ZMYM4: variants seen among roughly 807,000 people sequenced by gnomAD.
The protein encoded by ZMYM4 is zinc finger MYM-type protein 4.
In ZMYM4, 31 loss-of-function variants were observed where a neutral mutation model predicts 183.2. That is an observed-to-expected ratio of 0.17 (90% CI 0.13 to 0.23). The LOEUF is 0.23. ZMYM4 is among the 10% of genes least tolerant of loss of function. The probability of loss-of-function intolerance (pLI) is 1.00; values close to 1 mark genes in which losing one functional copy is unlikely to be tolerated. For missense variants in ZMYM4, 1,273 were observed against 1,840.3 expected (o/e 0.69, Z 5.64); for synonymous variants, 592 against 631.2 (o/e 0.94, Z 0.93).
At chr1:35,294,134 C>CA (rs566640178) in intron 1 of ZMYM4, among the ~76,000 whole-genome samples, 22,499 of 126,776 alleles carry the variant, frequency 0.18, 3,921 homozygotes, top group African/African-American at 0.44. Context: ...GACACTGTCT[C>CA]AAAAAAAAAA....
At chr1:35,368,029 T>A (rs1366164640) in intron 5 of ZMYM4, among the ~76,000 whole-genome samples, 1 of 151,802 alleles carries the variant, frequency 6.6e-6, no homozygotes, top group Non-Finnish European at 1.5e-5. Context: ...AGGCAGGGGT[T>A]GGCAAATTAT....
chr1:35,371,769 T>G (rs1208663548), intron 7 of ZMYM4, among the ~76,000 whole-genome samples: 1 of 152,178 alleles, frequency 6.6e-6, no homozygotes, highest in Non-Finnish European at 1.5e-5. Flanking sequence ...TTAAAAGAAA[T>G]TTAAATATGG....
intron 1 of ZMYM4, among the ~76,000 whole-genome samples, chr1:35,303,660 A>G (rs1406422527): frequency 1.3e-5 from 2 of 152,138 alleles, no homozygotes; most frequent in East Asian, 3.9e-4. Flanking sequence ...TGCATGAGCC[A>G]CAGCGCCCAG....
intron 28 of ZMYM4, among the ~76,000 whole-genome samples, chr1:35,417,197 A>C (rs1160622960): frequency 6.6e-6 from 1 of 151,084 alleles, no homozygotes; most frequent in Non-Finnish European, 1.5e-5. Flanking sequence ...TGATGGAGTC[A>C]CTGCACTCTA....
At chr1:35,366,295 A>G (rs1644077700) in intron 5 of ZMYM4, among the ~76,000 whole-genome samples, 1 of 152,176 alleles carries the variant, frequency 6.6e-6, no homozygotes, top group Non-Finnish European at 1.5e-5. Context: ...ATAGTAAGGA[A>G]CTACTACTTC....
chr1:35,351,348 T>G, intron 2 of ZMYM4: 1 of 1,569,026 alleles, frequency 6.4e-7, no homozygotes, highest in Non-Finnish European at 8.7e-7. Context: ...CATGCACTAC[T>G]TAATGAAAGA....
intron 1 of ZMYM4, among the ~76,000 whole-genome samples, chr1:35,310,780 G>A (rs1215785352): frequency 6.6e-6 from 1 of 152,060 alleles, no homozygotes; most frequent in African/African-American, 2.4e-5. Flanking sequence ...GTTTTACCAT[G>A]TTGGCCAGGT....
At chr1:35,285,714 T>G (rs1640448978) in intron 1 of ZMYM4, among the ~76,000 whole-genome samples, 1 of 152,166 alleles carries the variant, frequency 6.6e-6, no homozygotes, top group South Asian at 2.1e-4. Flanking sequence ...AAATACTATA[T>G]ATAAGGGACT....
rs529799717 is a variant in ZMYM4 at position 35,404,734 on chromosome 1, AT to A, written c.3529-287del. On this transcript the variant is annotated intron_variant, in intron 23 of 29. Coordinates refer to ENST00000314607, the MANE Select transcript of ZMYM4 (RefSeq NM_005095.3). ...ATAGACCTGAGTGGTAATAGTAGTTATTCATACCTCATCAGGTGAGTCTATA... is the reference window on the plus strand; with the variant it reads ...ATAGACCTGAGTGGTAATAGTAGTTATCATACCTCATCAGGTGAGTCTATA... The A allele has an allele frequency of 7.2e-4, 152 of 210,542 alleles. 3 individuals are homozygous for A. The South Asian group carries it at 0.018, about 25-fold the overall frequency. 13.0% of individuals were successfully genotyped at this position (210,542 alleles called of 1,614,324 possible). A position where few individuals can be genotyped will look rare whatever the true frequency, so the allele number is the denominator to read the frequency against.
At chr1:35,332,527 C>T (rs1216408075) in intron 2 of ZMYM4, among the ~76,000 whole-genome samples, 1 of 151,194 alleles carries the variant, frequency 6.6e-6, no homozygotes, top group Non-Finnish European at 1.5e-5. Flanking sequence ...ATGTTTGGTG[C>T]CTTGCCTAAC....
rs1439086123 is a variant in ZMYM4, at chr1:35,398,913, T to C, written c.3303T>C (p.Thr1101=). The C allele has an allele frequency of 6.2e-7, 1 of 1,614,024 alleles. No homozygotes were observed. Among genetic ancestry groups the C allele is most frequent in the East Asian group, 2.2e-5 (1 of 44,882 alleles). ...ATCTTGAATCAGAGGCAGTATCTAC[T>C]CCACATAGCTGGGAGGAAGAGCTGA... The part of the protein sequence containing the change: ...SGDLESEAVS[T]PHSWEEELNH... The change falls in exon 22 of 30, where the codon ACT becomes ACC. Residue 1101 remains threonine, a synonymous_variant. Coordinates refer to ENST00000314607, the MANE Select transcript of ZMYM4 (RefSeq NM_005095.3).
At chr1:35,272,886 C>T (rs889622924) in intron 1 of ZMYM4, among the ~76,000 whole-genome samples, 1 of 151,894 alleles carries the variant, frequency 6.6e-6, no homozygotes, top group South Asian at 2.1e-4. Flanking sequence ...TTTTTTGTTT[C>T]TGTATTTTTA....
intron 23 of ZMYM4, chr1:35,400,003 TGTG>T (rs1351740826): frequency 6.2e-6 from 1 of 161,486 alleles, no homozygotes; most frequent in African/African-American, 2.4e-5. Context: ...ATTAGCCAGG[TGTG>T]GTGGTGGGCG....
At chr1:35,382,478 C>G (rs1333092631) in intron 9 of ZMYM4, among the ~76,000 whole-genome samples, 1 of 147,310 alleles carries the variant, frequency 6.8e-6, no homozygotes, top group Admixed American at 6.8e-5. Context: ...TGAGATGGAG[C>G]CTTGCACTGT....
At chr1:35,278,608 G>C (rs796162324) in intron 1 of ZMYM4, among the ~76,000 whole-genome samples, 1 of 151,932 alleles carries the variant, frequency 6.6e-6, no homozygotes, top group Non-Finnish European at 1.5e-5. Flanking sequence ...TGTATTTTTA[G>C]TGGAGACGGG....
rs2148655120 is a variant in ZMYM4, at chr1:35,269,024, A to C, written c.-23A>C. ...CCGCCGCCACCGCGCGGGGAGCCGCAGCGGTTCCGAGCGGGGCCCAACATG... is the reference window on the plus strand; with the variant it reads ...CCGCCGCCACCGCGCGGGGAGCCGCCGCGGTTCCGAGCGGGGCCCAACATG... On this transcript the variant is annotated 5_prime_UTR_variant, in exon 1 of 30. Transcript: ENST00000314607. 3 of 1,532,396 alleles carry C rather than the reference A, an allele frequency of 2.0e-6. No individual in the cohort carries two copies. Among genetic ancestry groups the C allele is most frequent in the Admixed American group, 4.0e-5 (2 of 49,508 alleles). 94.9% of individuals were successfully genotyped at this position (1,532,396 alleles called of 1,614,324 possible).
chr1:35,283,058 GTGCCAT>G (rs1410368766), intron 1 of ZMYM4, among the ~76,000 whole-genome samples: 13 of 127,470 alleles, frequency 1.0e-4, no homozygotes, highest in African/African-American at 3.9e-4. Flanking sequence ...GAGTGCAGTG[GTGCCAT>G]CTCACCACAC....
intron 17 of ZMYM4, among the ~76,000 whole-genome samples, chr1:35,392,899 A>G (rs756124144): frequency 6.6e-6 from 1 of 152,130 alleles, no homozygotes; most frequent in Non-Finnish European, 1.5e-5. Context: ...GTAGTTACTG[A>G]AAGTTTTTCT....
At chr1:35,355,664 A>T (rs1643796352) in intron 2 of ZMYM4, among the ~76,000 whole-genome samples, 1 of 151,786 alleles carries the variant, frequency 6.6e-6, no homozygotes, top group South Asian at 2.1e-4. Flanking sequence ...GTCACATTTG[A>T]TCTTTTATAT....
Sources: gnomAD v4.1 joint callset for allele counts (sites outside exome capture counted in the v4.1 genomes callset) on GRCh38, gnomAD v4.1.1 for gene constraint, MANE v1.5 for transcripts, NCBI Gene and HGNC (gene_info 2026-07-23, HGNC 2026-07-21) for gene names.